TENM4: variants seen among roughly 807,000 people sequenced by gnomAD.
TENM4 encodes teneurin transmembrane protein 4.
TENM4 carries 82 observed loss-of-function variants against 243.3 expected under a neutral mutation model. The observed-to-expected ratio is 0.34, with a 90% confidence interval of 0.28 to 0.40. TENM4 has a LOEUF of 0.40. Among genes scored for constraint, TENM4 ranks in the 10% least tolerant of loss-of-function variants. The pLI is 1.00. For missense variants in TENM4, 3,138 were observed against 3,673.3 expected, an observed-to-expected ratio of 0.85 and a Z score of 3.77; for synonymous variants, 1,412 against 1,456.3, an observed-to-expected ratio of 0.97 and a Z score of 0.69.
intron 22 of TENM4, among the ~76,000 whole-genome samples, chr11:78,728,734 C>T (rs913906961): frequency 5.3e-5 from 8 of 152,118 alleles, no homozygotes; most frequent in Non-Finnish European, 1.2e-4. Context: ...GGATCAACTC[C>T]GCAGGGTTAG....
chr11:78,913,261 T>A (rs1487013459), intron 6 of TENM4, among the ~76,000 whole-genome samples: 1 of 152,210 alleles, frequency 6.6e-6, no homozygotes, highest in Non-Finnish European at 1.5e-5. Flanking sequence ...AACATCACTT[T>A]TTATATGCCT....
intron 6 of TENM4, among the ~76,000 whole-genome samples, chr11:79,061,949 A>T (rs1308606113): frequency 6.7e-6 from 1 of 148,570 alleles, no homozygotes; most frequent in East Asian, 2.0e-4. Flanking sequence ...TTAGGTTGAG[A>T]TAATCGGTGG....
At chr11:78,795,566 T>C (rs144424250) in intron 15 of TENM4, among the ~76,000 whole-genome samples, 2 of 152,186 alleles carry the variant, frequency 1.3e-5, no homozygotes, top group African/African-American at 4.8e-5. Context: ...GCATCTACTA[T>C]GTGACAGATA....
Position 79,440,031 on chromosome 11 carries a change from C to T in TENM4, c.-321+478G>A, listed in dbSNP as rs1859366281. On this transcript the variant is annotated intron_variant, in intron 1 of 33. Transcript: ENST00000278550. The surrounding 1 kb of genome is among the most constrained non-coding windows in gnomAD (Gnocchi z 4.7). The stretch of plus-strand genomic sequence containing the variant: ...ACCGCCCGTGCGGGGCTGCTGCAGC[C>T]GGCACTTGCCCCGCAGGGCAGGCTG... Among the ~76,000 whole-genome samples, 1 of 152,064 alleles carries T rather than the reference C, an allele frequency of 6.6e-6. No homozygotes were observed. Among genetic ancestry groups the T allele is most frequent in the African/African-American group, 2.4e-5 (1 of 41,428 alleles).
chr11:79,147,731 C>T (rs896501733), intron 4 of TENM4, among the ~76,000 whole-genome samples: 1 of 152,028 alleles, frequency 6.6e-6, no homozygotes, highest in Non-Finnish European at 1.5e-5. Flanking sequence ...TCAGTACATC[C>T]TCACGCAACC....
intron 28 of TENM4, among the ~76,000 whole-genome samples, chr11:78,699,561 A>T (rs1859054352): frequency 6.6e-6 from 1 of 152,176 alleles, no homozygotes; most frequent in Non-Finnish European, 1.5e-5. Flanking sequence ...TTTATCTACC[A>T]CTTCTGGTTT....
At chr11:78,784,733 G>A (rs530955579) in intron 16 of TENM4, among the ~76,000 whole-genome samples, 2 of 152,294 alleles carry the variant, frequency 1.3e-5, no homozygotes, top group South Asian at 2.1e-4. Flanking sequence ...CTAGAAGAGC[G>A]ACAACAGAGC....
intron 17 of TENM4, among the ~76,000 whole-genome samples, chr11:78,777,394 T>TA (rs1428439198): frequency 1.3e-5 from 2 of 152,184 alleles, no homozygotes; most frequent in Admixed American, 1.3e-4. Flanking sequence ...ACCCTTTCCA[T>TA]AAGTTTTAAA....
Position 78,963,203 on chromosome 11 carries a change from G to T in TENM4, c.494-59680C>A, listed in dbSNP as rs1857369179. ...CACATTCTGTGAGTTCCAAGATGTT[G>T]TAAATCAGTCAGTCTGACCCCAAGT... is the stretch of plus-strand genomic sequence containing the variant. On this transcript the variant is annotated intron_variant, in intron 6 of 33. Transcript: ENST00000278550. 5.9e-5 allele frequency among the ~76,000 whole-genome samples: 9 copies of T among 152,160 alleles called. No homozygotes were observed. In the South Asian group the frequency reaches 1.9e-3, roughly 32 times the overall value.
At chr11:79,058,371 G>C (rs1859994283) in intron 6 of TENM4, among the ~76,000 whole-genome samples, 1 of 152,044 alleles carries the variant, frequency 6.6e-6, no homozygotes, top group Non-Finnish European at 1.5e-5. Flanking sequence ...GTGAAACCCT[G>C]TCTCTACTAA....
chr11:79,005,996 A>G (rs979753832), intron 6 of TENM4, among the ~76,000 whole-genome samples: 2 of 152,218 alleles, frequency 1.3e-5, no homozygotes, highest in Non-Finnish European at 2.9e-5. Context: ...GAAATCACAC[A>G]AAGTATTTTT....
chr11:79,387,918 T>C (rs1461751521), intron 1 of TENM4, among the ~76,000 whole-genome samples: 1 of 152,184 alleles, frequency 6.6e-6, no homozygotes, highest in African/African-American at 2.4e-5. Flanking sequence ...GGTGGAAGGA[T>C]TGCTTGAGCC....
intron 6 of TENM4, among the ~76,000 whole-genome samples, chr11:79,042,978 C>A (rs1444238584): frequency 6.6e-6 from 1 of 152,162 alleles, no homozygotes; most frequent in Non-Finnish European, 1.5e-5. Flanking sequence ...CACGTCTTGC[C>A]ACAAAAGCCA....
intron 1 of TENM4, among the ~76,000 whole-genome samples, chr11:79,346,753 A>G (rs573076573): frequency 8.5e-5 from 13 of 152,188 alleles, no homozygotes; most frequent in Non-Finnish European, 1.6e-4. Context: ...AAGCCCTGAC[A>G]ATCACACTTT....
intron 1 of TENM4, among the ~76,000 whole-genome samples, chr11:79,397,682 G>A (rs1776156707): frequency 6.6e-6 from 1 of 152,226 alleles, no homozygotes; most frequent in Admixed American, 6.5e-5. Context: ...CAAAAGCCAG[G>A]AAGGGCACTC....
chr11:79,332,485 T>A (rs986819513), intron 1 of TENM4, among the ~76,000 whole-genome samples: 5 of 152,054 alleles, frequency 3.3e-5, no homozygotes, highest in Non-Finnish European at 5.9e-5. Flanking sequence ...TGAAATCTCT[T>A]TTAAAAAAAA....
At chr11:78,828,358 C>T (rs1201812478) in intron 12 of TENM4, among the ~76,000 whole-genome samples, 3 of 152,206 alleles carry the variant, frequency 2.0e-5, no homozygotes, top group South Asian at 2.1e-4. Flanking sequence ...TATCACTTTG[C>T]AGGACCCCAA....
At chr11:79,007,642 G>A (rs1294802830) in intron 6 of TENM4, among the ~76,000 whole-genome samples, 1 of 152,148 alleles carries the variant, frequency 6.6e-6, no homozygotes, top group Non-Finnish European at 1.5e-5. Context: ...CACTAGCTGG[G>A]GCCTCCTCCC....
chr11:78,660,880 C>T (rs369804675), intron 33 of TENM4, among the ~76,000 whole-genome samples: 32 of 152,106 alleles, frequency 2.1e-4, no homozygotes, highest in South Asian at 1.2e-3. Context: ...GTTATAAAAG[C>T]GAGACAAGAG....
Sources: gnomAD v4.1 joint callset for allele counts (sites outside exome capture counted in the v4.1 genomes callset) on GRCh38, gnomAD v4.1.1 for gene constraint, Gnocchi (gnomAD v3.1) non-coding constraint, MANE v1.5 for transcripts, NCBI Gene and HGNC (gene_info 2026-07-23, HGNC 2026-07-21) for gene names.